The following FCHO2 variants were observed in gnomAD, a reference collection of about 807,000 sequenced individuals.
FCHO2 encodes FCH and mu domain containing endocytic adaptor 2.
FCHO2 carries 43 observed loss-of-function variants against 114.1 expected under a neutral mutation model. The observed-to-expected ratio is 0.38, with a 90% CI of 0.30 to 0.49. The LOEUF (loss-of-function observed/expected upper bound fraction) is 0.49. Among genes scored for constraint, FCHO2 ranks in the 20% least tolerant of loss-of-function variants. FCHO2 has a pLI of 0.97. For missense variants in FCHO2, 807 were observed against 950.4 expected (o/e 0.85, Z 1.98); for synonymous variants, 293 against 315.2 (o/e 0.93, Z 0.75).
intron 1 of FCHO2, among the ~76,000 whole-genome samples, chr5:72,959,843 G>C (rs1484863391): frequency 6.6e-6 from 1 of 151,002 alleles, no homozygotes; most frequent in African/African-American, 2.4e-5. Flanking sequence ...GCAGTGGCAC[G>C]AGCATGGCTC....
chr5:72,973,496 G>A (rs1413304966), intron 2 of FCHO2, among the ~76,000 whole-genome samples: 2 of 152,208 alleles, frequency 1.3e-5, no homozygotes, highest in Non-Finnish European at 2.9e-5. Context: ...GCGTAGAGGT[G>A]TTGGTAGTAT....
At position 73,087,968 on chromosome 5, in the gene FCHO2, G is replaced by C. The variant is rs964416880; in HGVS notation, c.2411-100G>C. On this transcript the variant is annotated intron_variant, in intron 25 of 25. Transcript: ENST00000430046. ...ATCTGATTCTAATGTACTGTAAATA[G>C]CAGATGGGAACTAGAGTTTTGTATT... 5.5e-5 allele frequency: 83 copies of C among 1,500,098 alleles called. No individual in the cohort carries two copies. The African/African-American group carries it at 9.8e-4, about 18-fold the overall frequency. The allele number at this position is 1,500,098 out of a possible 1,614,324, so 92.9% of individuals were successfully genotyped here.
At chr5:72,961,276 TG>T (rs1449847852) in intron 1 of FCHO2, among the ~76,000 whole-genome samples, 3 of 152,160 alleles carry the variant, frequency 2.0e-5, no homozygotes, top group African/African-American at 7.2e-5. Context: ...ACACATTCTT[TG>T]GGGTTATGTA....
At chr5:73,064,058 C>T (rs1757959644) in intron 18 of FCHO2, 114 bp downstream of exon 18, 1 of 981,644 alleles carries the variant, frequency 1.0e-6, no homozygotes, top group South Asian at 1.7e-5. Flanking sequence ...CCCATGTCCT[C>T]ACAGTATAGA....
At chr5:72,986,044 C>T (rs1014408121) in intron 2 of FCHO2, among the ~76,000 whole-genome samples, 3 of 151,786 alleles carry the variant, frequency 2.0e-5, no homozygotes, top group Non-Finnish European at 4.4e-5. Context: ...TTTTGTCTTT[C>T]TGAACTTCAA....
Position 73,078,194 on chromosome 5 carries a change from G to C in FCHO2, c.1862G>C (p.Cys621Ser), listed in dbSNP as rs1291824002. The C allele has an allele frequency of 6.4e-7, 1 of 1,559,678 alleles. No individual in the cohort carries two copies. The highest frequency in any genetic ancestry group is 1.2e-5 in the South Asian group (1 of 82,408). Residue 621 changes from cysteine (C) to serine (S), a missense_variant, in exon 22 of 26, where the codon TGT (cysteine) becomes TCT (serine). Coordinates refer to ENST00000430046, the MANE Select transcript of FCHO2 (RefSeq NM_138782.3). ...TATATATGTAGTGATCCATCACAAT[G>C]TGATTCCAACACAAAAGATTTTTGG... ...AQLVFSDPSQ[C>S]DSNTKDFWMN...
At chr5:72,996,116 G>T (rs1037557844) in intron 5 of FCHO2, among the ~76,000 whole-genome samples, 2 of 151,844 alleles carry the variant, frequency 1.3e-5, no homozygotes, top group African/African-American at 4.8e-5. Context: ...GGTAGCGGGC[G>T]CTTGTAATCC....
At chr5:73,051,468 G>GA (rs1757333252) in intron 12 of FCHO2, 62 bp downstream of exon 12, 1 of 1,078,352 alleles carries the variant, frequency 9.3e-7, no homozygotes, top group Non-Finnish European at 1.3e-6. Context: ...GCAGTTATAA[G>GA]AAAATCATGT....
At chr5:72,986,216 G>C (rs963365568) in intron 2 of FCHO2, among the ~76,000 whole-genome samples, 1 of 149,502 alleles carries the variant, frequency 6.7e-6, no homozygotes, top group African/African-American at 2.5e-5. Flanking sequence ...TTTGGTTGTT[G>C]TATTTTCTAG....
At chr5:73,013,200 A>C (rs1755113899) in intron 6 of FCHO2, among the ~76,000 whole-genome samples, 1 of 152,154 alleles carries the variant, frequency 6.6e-6, no homozygotes, top group Admixed American at 6.5e-5. Context: ...CTCATAAATC[A>C]AATTGATTCA....
intron 11 of FCHO2, among the ~76,000 whole-genome samples, chr5:73,044,869 A>G (rs1756981949): frequency 6.6e-6 from 1 of 152,072 alleles, no homozygotes; most frequent in South Asian, 2.1e-4. Flanking sequence ...ATTCTTGTTC[A>G]TACTGCTTTT....
At chr5:73,057,918 C>G (rs1040483110) in intron 16 of FCHO2, among the ~76,000 whole-genome samples, 1 of 152,112 alleles carries the variant, frequency 6.6e-6, no homozygotes, top group African/African-American at 2.4e-5. Context: ...CACATGTTAT[C>G]TTAGGTTACG....
intron 1 of FCHO2, among the ~76,000 whole-genome samples, chr5:72,962,504 C>G (rs1177012590): frequency 4.6e-5 from 7 of 152,064 alleles, no homozygotes; most frequent in African/African-American, 1.7e-4. Context: ...CGGAAGCACC[C>G]TTAGAAATTC....
intron 10 of FCHO2, among the ~76,000 whole-genome samples, chr5:73,040,893 T>C (rs887912679): frequency 1.3e-5 from 2 of 150,308 alleles, no homozygotes; most frequent in African/African-American, 5.0e-5. Flanking sequence ...TTTAAGGACA[T>C]TTTTTTAACT....
chr5:73,053,052 C>A (rs750334111), intron 13 of FCHO2, among the ~76,000 whole-genome samples: 4 of 152,018 alleles, frequency 2.6e-5, no homozygotes, highest in Non-Finnish European at 4.4e-5. Flanking sequence ...TAAATTTTTT[C>A]CTCATTGATG....
chr5:73,076,657 T>G (rs1742923430), intron 20 of FCHO2, among the ~76,000 whole-genome samples: 1 of 152,074 alleles, frequency 6.6e-6, no homozygotes, highest in Non-Finnish European at 1.5e-5. Context: ...GCAGAATATA[T>G]GGATAAAAAG....
chr5:72,980,964 G>A (rs915977423), intron 2 of FCHO2, among the ~76,000 whole-genome samples: 1 of 152,070 alleles, frequency 6.6e-6, no homozygotes, highest in African/African-American at 2.4e-5. Context: ...ATATTGTTAT[G>A]TGTGAATTTG....
chr5:73,082,701 C>A, intron 23 of FCHO2, 60 bp from the exon 24 acceptor site: 2 of 1,287,970 alleles, frequency 1.6e-6, no homozygotes, highest in South Asian at 2.7e-5. Flanking sequence ...ATTGAGGTCC[C>A]ATTCATGTAT....
chr5:73,073,143 A>C (rs1742741690), intron 19 of FCHO2, among the ~76,000 whole-genome samples: 1 of 151,958 alleles, frequency 6.6e-6, no homozygotes, highest in Non-Finnish European at 1.5e-5. Flanking sequence ...CTTGCATCCC[A>C]AAACTAATGA....
Sources: gnomAD v4.1 joint callset for allele counts (sites outside exome capture counted in the v4.1 genomes callset) on GRCh38, gnomAD v4.1.1 for gene constraint, MANE v1.5 for transcripts, NCBI Gene and HGNC (gene_info 2026-07-23, HGNC 2026-07-21) for gene names.